MRPS9: variants seen among roughly 807,000 people sequenced by gnomAD.
MRPS9 encodes the protein small ribosomal subunit protein uS9m.
Under a neutral mutation model 59.9 loss-of-function variants are expected in MRPS9, and 45 were observed. That is an observed-to-expected ratio of 0.75 (90% CI 0.59 to 0.96). MRPS9 has a LOEUF of 0.96. MRPS9 is among the 40% of genes least tolerant of loss of function. The probability of loss-of-function intolerance (pLI) is 0.00; values close to 1 mark genes in which losing one functional copy is unlikely to be tolerated. For synonymous variants in MRPS9, 171 were observed against 166.8 expected (o/e 1.03, Z -0.19); for missense variants, 473 against 481.1 (o/e 0.98, Z 0.16).
chr2:105,043,329 C>T (rs1558749242), intron 1 of MRPS9, among the ~76,000 whole-genome samples: 1 of 152,118 alleles, frequency 6.6e-6, no homozygotes, highest in African/African-American at 2.4e-5. Flanking sequence ...AACATAGTAT[C>T]CGTTTCCCCT....
intron 1 of MRPS9, among the ~76,000 whole-genome samples, chr2:105,043,872 A>G (rs1312233772): frequency 6.7e-6 from 1 of 150,010 alleles, no homozygotes; most frequent in African/African-American, 2.5e-5. Context: ...TGAGCTTGTG[A>G]TCGGCCTGCC....
chr2:105,046,938 A>G (rs1489532483), intron 1 of MRPS9, among the ~76,000 whole-genome samples: 3 of 151,982 alleles, frequency 2.0e-5, no homozygotes, highest in Non-Finnish European at 4.4e-5. Context: ...TTCACTTTGA[A>G]TATGTGAAGC....
chr2:105,097,637 G>A (rs1031559515), intron 10 of MRPS9, among the ~76,000 whole-genome samples: 1 of 152,170 alleles, frequency 6.6e-6, no homozygotes, highest in Non-Finnish European at 1.5e-5. Context: ...GCTTAACAAA[G>A]TGCTTAGCTT....
At chr2:105,097,035 T>C in intron 9 of MRPS9, 120 bp from the exon 10 acceptor site, 1 of 1,029,884 alleles carries the variant, frequency 9.7e-7, no homozygotes, top group Admixed American at 3.4e-5. Context: ...TTGAGAAGTA[T>C]GAAAAGTATA....
At chr2:105,050,994 G>C (rs571328254) in intron 2 of MRPS9, among the ~76,000 whole-genome samples, 1 of 152,330 alleles carries the variant, frequency 6.6e-6, no homozygotes, top group African/African-American at 2.4e-5. Flanking sequence ...GTCATCAGTT[G>C]ATGGGCATTT....
chr2:105,075,224 T>C (rs968628827), intron 4 of MRPS9, among the ~76,000 whole-genome samples: 2 of 152,188 alleles, frequency 1.3e-5, no homozygotes, highest in Non-Finnish European at 2.9e-5. Context: ...GGAATGTCTA[T>C]AAATACAGAT....
rs144956432 is a variant in MRPS9 at position 105,038,252 on chromosome 2, G to T, written c.135+25G>T. ...GGTAAGGCCTGGGAAGACTGGAAGCGGCTTACCTCTGCCGCGCGAGGATGT... is the reference window on the plus strand; with the variant it reads ...GGTAAGGCCTGGGAAGACTGGAAGCTGCTTACCTCTGCCGCGCGAGGATGT... On this transcript the variant is annotated intron_variant, in intron 1 of 10. Coordinates refer to ENST00000258455, the MANE Select transcript of MRPS9 (RefSeq NM_182640.3). 814 of 1,601,768 alleles carry T rather than the reference G, an allele frequency of 5.1e-4. 9 individuals are homozygous for T. In the African/African-American group the frequency reaches 9.6e-3, roughly 19 times the overall value.
chr2:105,038,368 G>C lies in MRPS9; in HGVS notation c.135+141G>C, dbSNP rs186830279. ...GGTATTTAGTGGAGGTCTGAGGTTG[G>C]GGGGGAGGAGGTGGGTATTGGCGTG... On this transcript the variant is annotated intron_variant, in intron 1 of 10. Coordinates refer to ENST00000258455, the MANE Select transcript of MRPS9 (RefSeq NM_182640.3). The C allele has an allele frequency of 1.1e-4, 124 of 1,116,880 alleles. No homozygotes were observed. The Middle Eastern group carries it at 2.4e-3, about 21-fold the overall frequency. 69.2% of individuals were successfully genotyped at this position (1,116,880 alleles called of 1,614,324 possible).
chr2:105,067,739 AGTGTGTGTGT>A (rs113470512), intron 2 of MRPS9, among the ~76,000 whole-genome samples: 1 of 148,394 alleles, frequency 6.7e-6, no homozygotes, highest in Non-Finnish European at 1.5e-5. Flanking sequence ...CCTTCTCCTG[AGTGTGTGTGT>A]GTGTGTATGT....
At position 105,089,013 on chromosome 2, in the gene MRPS9, A is replaced by G; in HGVS notation, c.519A>G (p.Glu173=). 1.2e-6 allele frequency: 2 copies of G among 1,611,758 alleles called. No homozygotes were observed. Among genetic ancestry groups the G allele is most frequent in the Non-Finnish European group, 1.7e-6 (2 of 1,178,542 alleles). The change falls in exon 6 of 11, where the codon GAA becomes GAG. Residue 173 remains glutamate, a synonymous_variant. Transcript: ENST00000258455. ...TATATGGAATGTTACTCAATTTAGA[A>G]AAACATCAAAGTCACTTGCAAGCCA... ...HDVYGMLLNL[E]KHQSHLQAKS... is the part of the protein sequence containing the mutation.
Position 105,099,862 on chromosome 2 carries a change from C to A in MRPS9, c.*101C>A. The A allele has an allele frequency of 1.1e-6, 1 of 907,000 alleles. No homozygotes were observed. Among genetic ancestry groups the A allele is most frequent in the Non-Finnish European group, 1.6e-6 (1 of 613,178 alleles). The allele number at this position is 907,000 out of a possible 1,614,324, so 56.2% of individuals were successfully genotyped here. A position where few individuals can be genotyped will look rare whatever the true frequency, so the allele number is the denominator to read the frequency against. ...CTGACCAGCATGAGGGCAGTACTGT[C>A]AGAAATTTCTTTGAGCTGTGAGATG... On this transcript the variant is annotated 3_prime_UTR_variant, in exon 11 of 11. Coordinates refer to ENST00000258455, the MANE Select transcript of MRPS9 (RefSeq NM_182640.3).
Position 105,092,512 on chromosome 2 carries a change from C to T in MRPS9, c.763C>T (p.Gln255Ter). ...RRSVTLESKK[Q>*]LIEPVQYDEQ... is the part of the protein sequence containing the mutation. ...AAGTGTAACTCTTGAATCAAAAAAACAGCTGATTGAACCTGTACAGTATGA... is the reference window on the plus strand; with the variant it reads ...AAGTGTAACTCTTGAATCAAAAAAATAGCTGATTGAACCTGTACAGTATGA... The change falls in exon 8 of 11, where the codon CAG becomes TAG. Residue 255 changes from glutamine (Q) to a stop codon, truncating the protein, a stop_gained. Transcript: ENST00000258455. LOFTEE classifies it high-confidence loss of function. 6.2e-7 allele frequency: 1 copy of T among 1,613,910 alleles called. No individual in the cohort carries two copies.
At chr2:105,048,771 G>T (rs1679655499) in intron 1 of MRPS9, among the ~76,000 whole-genome samples, 1 of 151,892 alleles carries the variant, frequency 6.6e-6, no homozygotes, top group Non-Finnish European at 1.5e-5. Context: ...TTTTCTGCTT[G>T]CTGGTTTCTG....
At chr2:105,072,492 TATTTA>T (rs1174483318) in intron 4 of MRPS9, among the ~76,000 whole-genome samples, 1 of 152,164 alleles carries the variant, frequency 6.6e-6, no homozygotes, top group Non-Finnish European at 1.5e-5. Context: ...TTTGCACTCA[TATTTA>T]ATTTATTTAT....
At chr2:105,043,584 C>T (rs1679538729) in intron 1 of MRPS9, among the ~76,000 whole-genome samples, 1 of 152,060 alleles carries the variant, frequency 6.6e-6, no homozygotes, top group Admixed American at 6.6e-5. Context: ...TGGACCCTGC[C>T]TGCTTTCCTT....
At chr2:105,080,169 C>T (rs889081175) in intron 5 of MRPS9, 107 bp downstream of exon 5, 8 of 655,596 alleles carry the variant, frequency 1.2e-5, no homozygotes, top group African/African-American at 7.5e-5. Flanking sequence ...TTATAATTGA[C>T]AAAAATAAGA....
chr2:105,059,568 G>GTT (rs200329004), intron 2 of MRPS9, among the ~76,000 whole-genome samples: 7 of 149,144 alleles, frequency 4.7e-5, no homozygotes, highest in African/African-American at 1.7e-4. Flanking sequence ...TTCATTTTTT[G>GTT]TTTTTTTTGT....
chr2:105,089,119 A>T, intron 6 of MRPS9, 50 bp downstream of exon 6: 1 of 1,392,398 alleles, frequency 7.2e-7, no homozygotes, highest in South Asian at 1.2e-5. Flanking sequence ...AACTAAAAAC[A>T]TGCCACTCAT....
intron 7 of MRPS9, chr2:105,091,956 G>A (rs1317069528): frequency 6.5e-6 from 1 of 154,916 alleles, no homozygotes; most frequent in East Asian, 1.9e-4. Flanking sequence ...TTTGCCAAAT[G>A]TATTATGAAA....
Sources: allele counts gnomAD v4.1 joint callset (sites outside exome capture counted in the v4.1 genomes callset), GRCh38; gene constraint gnomAD v4.1.1; transcripts MANE v1.5; gene names NCBI Gene and HGNC (gene_info 2026-07-23, HGNC 2026-07-21).